NDC80: variants seen among roughly 807,000 people sequenced by gnomAD.
NDC80 encodes the protein NDC80 kinetochore complex component.
A neutral mutation model predicts 89.3 loss-of-function variants in NDC80; 69 were observed. The ratio of observed to expected loss-of-function variants is 0.77; its 90% confidence interval spans 0.64 to 0.94. NDC80 has a LOEUF of 0.94. NDC80 is among the 40% of genes least tolerant of loss of function. The pLI, the probability that NDC80 is intolerant of heterozygous loss-of-function variation, is 0.00. For synonymous variants in NDC80, 243 were observed against 255.6 expected, an observed-to-expected ratio of 0.95 and a Z score of 0.47; for missense variants, 593 against 739.6, an observed-to-expected ratio of 0.80 and a Z score of 2.30.
At chr18:2,585,285 G>C (rs185466190) in intron 7 of NDC80, 83 bp downstream of exon 7, 45 of 1,046,082 alleles carry the variant, frequency 4.3e-5, no homozygotes, top group Non-Finnish European at 4.4e-6. Flanking sequence ...GATGCCCCTC[G>C]ACTTATGATA....
In NDC80 at chr18:2,616,576, G is replaced by A; in HGVS notation, c.*2G>A. 1 of 1,374,700 alleles carries A rather than the reference G, an allele frequency of 7.3e-7. No individual in the cohort carries two copies. 85.2% of individuals were successfully genotyped at this position (1,374,700 alleles called of 1,614,324 possible). On this transcript the variant is annotated 3_prime_UTR_variant, in exon 17 of 17. Coordinates refer to ENST00000261597, the MANE Select transcript of NDC80 (RefSeq NM_006101.3). ...CTAATTAAGTCTTCTGAAGAATGAA[G>A]ATAAAATGTTGATCATGTATATATA...
chr18:2,589,398 A>T, intron 9 of NDC80, 88 bp downstream of exon 9: 1 of 884,646 alleles, frequency 1.1e-6, no homozygotes, highest in Non-Finnish European at 1.8e-6. Context: ...CAAAATTTTA[A>T]AAAATAGATT....
In NDC80 at chr18:2,608,783, C is replaced by G; in HGVS notation, c.1641C>G (p.Asn547Lys). 6.2e-7 allele frequency: 1 copy of G among 1,612,902 alleles called. No individual in the cohort carries two copies. The highest frequency in any genetic ancestry group is 8.5e-7 in the Non-Finnish European group (1 of 1,179,122). ...AGCACCTGCTAGAAAGTACTGTTAACCAGGGGCTCAGTGAAGCTATGAATG... is the reference window on the plus strand; with the variant it reads ...AGCACCTGCTAGAAAGTACTGTTAAGCAGGGGCTCAGTGAAGCTATGAATG... ...KHKHLLESTV[N>K]QGLSEAMNEL... Residue 547 changes from asparagine (N) to lysine (K), a missense_variant, in exon 15 of 17, where the codon AAC becomes AAG. Transcript: ENST00000261597.
intron 6 of NDC80, among the ~76,000 whole-genome samples, chr18:2,583,927 G>A (rs1013847479): frequency 1.3e-5 from 2 of 152,016 alleles, no homozygotes; most frequent in Non-Finnish European, 2.9e-5. Context: ...TACTCCTAAC[G>A]CATAGTCCTT....
intron 6 of NDC80, among the ~76,000 whole-genome samples, chr18:2,580,788 C>A (rs2072573770): frequency 8.8e-6 from 1 of 114,280 alleles, no homozygotes; most frequent in Non-Finnish European, 1.7e-5. Context: ...GTCGCCTGGG[C>A]TGGAGTGCAG....
At chr18:2,581,497 C>T (rs2072577950) in intron 6 of NDC80, among the ~76,000 whole-genome samples, 1 of 152,120 alleles carries the variant, frequency 6.6e-6, no homozygotes, top group African/African-American at 2.4e-5. Context: ...CCCATCTCTA[C>T]TAAAAATACA....
intron 10 of NDC80, among the ~76,000 whole-genome samples, chr18:2,592,439 C>T (rs974965048): frequency 3.4e-4 from 52 of 151,376 alleles, no homozygotes; most frequent in African/African-American, 1.2e-3. Flanking sequence ...CACTGCAACC[C>T]TCGCCTCCGG....
At chr18:2,601,508 T>C in intron 13 of NDC80, 23 bp downstream of exon 13, 1 of 1,089,822 alleles carries the variant, frequency 9.2e-7, no homozygotes, top group Non-Finnish European at 1.3e-6. Context: ...ACATAAAAAG[T>C]CATAAAAAGT....
intron 13 of NDC80, among the ~76,000 whole-genome samples, chr18:2,603,378 T>TATATATATATATATATATAC (rs1491296244): frequency 7.0e-6 from 1 of 143,496 alleles, no homozygotes; most frequent in African/African-American, 2.6e-5. Context: ...TATATATATA[T>TATATATATATATATATATAC]ACACCTATGT....
chr18:2,607,965 G>GTATATATATATATATA lies in NDC80; in HGVS notation c.1558-716_1558-701dup, dbSNP rs3033372. 3.4e-3 allele frequency among the ~76,000 whole-genome samples: 230 copies of GTATATATATATATATA among 68,100 alleles called. 20 individuals carry two copies. Among genetic ancestry groups the GTATATATATATATATA allele is most frequent in the East Asian group, 0.014 (24 of 1,774 alleles). 44.7% of individuals were successfully genotyped at this position (68,100 alleles called of 152,430 possible). ...TGTTTTTATTTTACATATATACATAGTATATATATATATATATATATATAT... is the reference window on the plus strand; with the variant it reads ...TGTTTTTATTTTACATATATACATAGTATATATATATATATATATATATATATATATATATATATAT... On this transcript the variant is annotated intron_variant, in intron 14 of 16. Transcript: ENST00000261597.
At chr18:2,603,654 A>T (rs1304714953) in intron 13 of NDC80, among the ~76,000 whole-genome samples, 7 of 152,070 alleles carry the variant, frequency 4.6e-5, no homozygotes, top group Admixed American at 2.6e-4. Flanking sequence ...GAAATAGTTT[A>T]TAGAGATGGT....
In NDC80 at chr18:2,610,793, A is replaced by G; in HGVS notation, c.1723A>G (p.Arg575Gly). The G allele has an allele frequency of 6.3e-7, 1 of 1,592,226 alleles. No individual in the cohort carries two copies. Residue 575 changes from arginine (R) to glycine (G), a missense_variant, in exon 16 of 17, where the codon AGA (arginine) becomes GGA (glycine). Coordinates refer to ENST00000261597, the MANE Select transcript of NDC80 (RefSeq NM_006101.3). Reference sequence around the variant, plus strand: ...AGTTGTGCAAACCACGACTGAAGAAAGACGAAAAGTGGGAAATAACTTGCA... The same window carrying G: ...AGTTGTGCAAACCACGACTGAAGAAGGACGAAAAGTGGGAAATAACTTGCA... Reference protein sequence around the residue: ...QLVVQTTTEERRKVGNNLQRL... With the variant: ...QLVVQTTTEEGRKVGNNLQRL...
chr18:2,574,898 G>A lies in NDC80; in HGVS notation c.102-91G>A, dbSNP rs1262925627. The A allele has an allele frequency of 7.8e-6, 6 of 768,568 alleles. No homozygotes were observed. In the East Asian group the frequency reaches 1.4e-4, roughly 17 times the overall value. 47.6% of individuals were successfully genotyped at this position (768,568 alleles called of 1,614,324 possible). On this transcript the variant is annotated intron_variant, in intron 2 of 16. Transcript: ENST00000261597. Reference sequence around the variant, plus strand: ...TTTGAATTATTTTTATAGCTAGTGGGGAAGAGTTGTTGGTTCTAATATATT... The same window carrying A: ...TTTGAATTATTTTTATAGCTAGTGGAGAAGAGTTGTTGGTTCTAATATATT...
intron 7 of NDC80, among the ~76,000 whole-genome samples, chr18:2,585,408 T>A (rs2072598790): frequency 6.6e-6 from 1 of 152,188 alleles, no homozygotes; most frequent in Admixed American, 6.5e-5. Flanking sequence ...CTCAGAACAA[T>A]TAAACTAGCT....
intron 6 of NDC80, among the ~76,000 whole-genome samples, chr18:2,584,895 C>G (rs1020851244): frequency 5.3e-5 from 8 of 152,070 alleles, no homozygotes; most frequent in Non-Finnish European, 4.4e-5. Context: ...AGTTACTAAA[C>G]AAAAGGGTTT....
At position 2,616,527 on chromosome 18, in the gene NDC80, G is replaced by A; in HGVS notation, c.1882G>A (p.Asp628Asn). Residue 628 changes from aspartate (D) to asparagine (N), a missense_variant, in exon 17 of 17, where the codon GAT becomes AAT. Transcript: ENST00000261597. ...DLSENIKEIR[D>N]KYEKKATLIK... ...CTCGGAAAATATTAAAGAGATTAGA[G>A]ATAAGTATGAGAAGAAAGCTACTCT... The A allele has an allele frequency of 1.3e-6, 2 of 1,488,714 alleles. No homozygotes were observed. The highest frequency in any genetic ancestry group is 1.8e-6 in the Non-Finnish European group (2 of 1,098,138). 92.2% of individuals were successfully genotyped at this position (1,488,714 alleles called of 1,614,324 possible).
At chr18:2,587,944 G>C (rs1357846662) in intron 8 of NDC80, 21 bp downstream of exon 8, 1 of 1,603,188 alleles carries the variant, frequency 6.2e-7, no homozygotes, top group Non-Finnish European at 8.5e-7. Flanking sequence ...TCGTTCTTAG[G>C]GTGCTTGCTT....
intron 6 of NDC80, among the ~76,000 whole-genome samples, chr18:2,579,557 A>G (rs1427895831): frequency 1.3e-5 from 2 of 152,016 alleles, no homozygotes; most frequent in Non-Finnish European, 2.9e-5. Context: ...CCTCCTGAGT[A>G]GCTGGGATTA....
chr18:2,616,543 A>C lies in NDC80; in HGVS notation c.1898A>C (p.Lys633Thr), dbSNP rs769098799. 1 of 1,457,728 alleles carries C rather than the reference A, an allele frequency of 6.9e-7. No homozygotes were observed. The highest frequency in any genetic ancestry group is 1.3e-5 in the South Asian group (1 of 75,440). The allele number at this position is 1,457,728 out of a possible 1,614,324, so 90.3% of individuals were successfully genotyped here. A position where few individuals can be genotyped will look rare whatever the true frequency, so the allele number is the denominator to read the frequency against. Reference protein sequence around the residue: ...IKEIRDKYEKKATLIKSSEE With the variant: ...IKEIRDKYEKTATLIKSSEE ...GAGATTAGAGATAAGTATGAGAAGA[A>C]AGCTACTCTAATTAAGTCTTCTGAA... is the stretch of plus-strand genomic sequence containing the variant. Residue 633 changes from lysine (K) to threonine (T), a missense_variant, in exon 17 of 17, where the codon AAA becomes ACA. Physicochemically the swap from Lys to Thr is moderately conservative, Grantham distance 78. Coordinates refer to ENST00000261597, the MANE Select transcript of NDC80 (RefSeq NM_006101.3).
Sources: gnomAD v4.1 joint callset for allele counts (sites outside exome capture counted in the v4.1 genomes callset) on GRCh38, gnomAD v4.1.1 for gene constraint, MANE v1.5 for transcripts, NCBI Gene and HGNC (gene_info 2026-07-23, HGNC 2026-07-21) for gene names.